The following OPRM1 variants were observed in gnomAD, a reference collection of about 807,000 sequenced individuals.
The protein encoded by OPRM1 is opioid receptor mu 1, also known as mu-type opioid receptor.
OPRM1 carries 27 observed loss-of-function variants against 31.8 expected under a neutral mutation model. That is an observed-to-expected ratio of 0.85 (90% CI 0.63 to 1.17). The LOEUF (loss-of-function observed/expected upper bound fraction) is 1.17. Ranked by LOEUF, OPRM1 falls within the 50% of genes most tolerant of loss-of-function variation. The pLI is 0.00. For missense variants in OPRM1, 536 were observed against 511.1 expected (o/e 1.05, Z -0.47); for synonymous variants, 196 against 189.9 (o/e 1.03, Z -0.26).
At chr6:154,180,414 A>ATATATATTT (rs1241250621) in intron 3 of OPRM1, among the ~76,000 whole-genome samples, 19 of 65,264 alleles carry the variant, frequency 2.9e-4, no homozygotes, top group African/African-American at 7.7e-4. Flanking sequence ...ATATATATAT[A>ATATATATTT]TTTTTTTTTT....
chr6:154,067,322 C>A (rs1247990996), intron 1 of OPRM1, among the ~76,000 whole-genome samples: 1 of 151,842 alleles, frequency 6.6e-6, no homozygotes, highest in Non-Finnish European at 1.5e-5. Context: ...TTTGCTGCAT[C>A]ATAAAAATTT....
At chr6:154,038,971 T>C (rs1779495915), upstream of OPRM1, 1 of 588,388 alleles carries the variant, frequency 1.7e-6, no homozygotes, top group East Asian at 3.1e-5. Flanking sequence ...AAATTGGCAG[T>C]AGGGATGGAA....
chr6:154,080,703 G>C (rs2128467074), intron 1 of OPRM1, among the ~76,000 whole-genome samples: 1 of 152,238 alleles, frequency 6.6e-6, no homozygotes, highest in East Asian at 1.9e-4. Flanking sequence ...TCTAGAGTCT[G>C]GTGACCCGTA....
chr6:154,234,975 T>A (rs1779999597), intron 3 of OPRM1, among the ~76,000 whole-genome samples: 2 of 152,188 alleles, frequency 1.3e-5, no homozygotes, highest in African/African-American at 4.8e-5. Context: ...AAACCCCAAA[T>A]GTGCTACTGT....
In OPRM1 at chr6:154,039,829, T is replaced by G. The variant is rs1163273920; in HGVS notation, c.285T>G (p.Ile95Met). 6.3e-7 allele frequency: 1 copy of G among 1,580,988 alleles called. No homozygotes were observed. Among genetic ancestry groups the G allele is most frequent in the Non-Finnish European group, 8.6e-7 (1 of 1,167,682 alleles). Residue 95 changes from isoleucine to methionine, a missense_variant, in exon 1 of 4, where the codon ATT (isoleucine) becomes ATG (methionine). Transcript: ENST00000330432. ...LFGNFLVMYVIVRYTKMKTAT... is the reference protein window; with the variant it reads ...LFGNFLVMYVMVRYTKMKTAT... ...GAAACTTCCTGGTCATGTATGTGAT[T>G]GTCAGGTAAGGAAAGCGCCAGGGCT...
rs502627 is a variant in OPRM1, at chr6:154,129,854, A to T, written c.*11133A>T. Among the ~76,000 whole-genome samples the T allele has an allele frequency of 1.3e-5, 1 of 74,120 alleles. No homozygotes were observed. Among genetic ancestry groups the T allele is most frequent in the East Asian group, 3.1e-4 (1 of 3,200 alleles). The allele number at this position is 74,120 out of a possible 152,430, so 48.6% of individuals were successfully genotyped here. The stretch of plus-strand genomic sequence containing the variant: ...ACCACCGACACCCTCCCCCCCCAGC[A>T]CACACACACACACACACACACACAC... On this transcript the variant is annotated 3_prime_UTR_variant, in exon 4 of 4. Transcript: ENST00000330432.
chr6:154,140,022 G>A (rs1177149004), intron 3 of OPRM1, among the ~76,000 whole-genome samples: 2 of 152,104 alleles, frequency 1.3e-5, no homozygotes, highest in African/African-American at 4.8e-5. Flanking sequence ...CCAGTTCCCC[G>A]CCCTCTTGAG....
intron 3 of OPRM1, chr6:154,155,011 GGT>G: frequency 6.6e-6 from 1 of 151,352 alleles, no homozygotes; most frequent in South Asian, 2.1e-4. Flanking sequence ...TTGGGCTAAA[GGT>G]TAAAAAAAAA....
rs147884118 is a variant in OPRM1 at position 154,020,093 on chromosome 6, A to G, written c.-1+9075A>G. Among the ~76,000 whole-genome samples the G allele has an allele frequency of 1.2e-3, 186 of 152,236 alleles. 1 individual carries two copies. The highest frequency in any genetic ancestry group is 4.3e-3 in the African/African-American group (177 of 41,538). On this transcript the variant is annotated intron_variant, in intron 1 of 5. Coordinates refer to the OPRM1 transcript ENST00000434900. ...CCATTGTCTGGATGTACTACAGTTT[A>G]TCCATTCACCTACTGAGAGACAATT...
chr6:154,092,339 A>G (rs1040020512), intron 3 of OPRM1, among the ~76,000 whole-genome samples: 21 of 152,352 alleles, frequency 1.4e-4, no homozygotes, highest in African/African-American at 4.8e-4. Context: ...TATAAAATCA[A>G]TCAAATACAT....
intron 1 of OPRM1, among the ~76,000 whole-genome samples, chr6:154,041,271 A>G (rs766101174): frequency 1.3e-5 from 2 of 152,216 alleles, no homozygotes; most frequent in Non-Finnish European, 2.9e-5. Context: ...AGCACCATCT[A>G]TTGAGAGGAA....
chr6:154,029,197 A>G (rs376946761), intron 1 of OPRM1, among the ~76,000 whole-genome samples: 25 of 152,340 alleles, frequency 1.6e-4, no homozygotes, highest in African/African-American at 5.8e-4. Context: ...ATCTGCCTTT[A>G]AAATCTTTGG....
chr6:154,104,641 A>C (rs781078203), intron 3 of OPRM1, among the ~76,000 whole-genome samples: 1 of 152,238 alleles, frequency 6.6e-6, no homozygotes, highest in Non-Finnish European at 1.5e-5. Flanking sequence ...TTTGAAACAT[A>C]ATATTTCTCT....
intron 3 of OPRM1, among the ~76,000 whole-genome samples, chr6:154,114,130 G>T (rs569607316): frequency 6.6e-6 from 1 of 152,234 alleles, no homozygotes; most frequent in African/African-American, 2.4e-5. Context: ...CTTGTACATA[G>T]GACTCAACAA....
chr6:154,111,859 G>A (rs1245174711), intron 3 of OPRM1, among the ~76,000 whole-genome samples: 1 of 151,998 alleles, frequency 6.6e-6, no homozygotes, highest in Non-Finnish European at 1.5e-5. Context: ...TCCGCCTCCC[G>A]AGTTCATGCC....
At chr6:154,183,733 T>C (rs1801094359) in intron 3 of OPRM1, among the ~76,000 whole-genome samples, 1 of 151,928 alleles carries the variant, frequency 6.6e-6, no homozygotes, top group South Asian at 2.1e-4. Context: ...ACCCCATCTG[T>C]ACCAAAAATA....
chr6:154,023,522 T>A (rs538895443), intron 1 of OPRM1, among the ~76,000 whole-genome samples: 1 of 152,144 alleles, frequency 6.6e-6, no homozygotes, highest in Non-Finnish European at 1.5e-5. Flanking sequence ...CTTCTTTTTT[T>A]CCAATTTGGA....
intron 3 of OPRM1, chr6:154,212,853 A>G: frequency 6.2e-7 from 1 of 1,606,328 alleles, no homozygotes. Flanking sequence ...TCACTGTAAC[A>G]TTCTATAACA....
chr6:154,168,253 A>C lies in OPRM1; in HGVS notation c.1164+76781A>C. 3.3e-6 allele frequency: 2 copies of C among 612,512 alleles called. No individual in the cohort carries two copies. Among genetic ancestry groups the C allele is most frequent in the South Asian group, 3.2e-5 (1 of 31,186 alleles). The allele number at this position is 612,512 out of a possible 1,614,324, so 37.9% of individuals were successfully genotyped here. ...TCTCTCCGGAACTGAAAGACAATAA[A>C]TGTTTGCTGTCTAAGCCACCCAGTT... is the stretch of plus-strand genomic sequence containing the variant. On this transcript the variant is annotated intron_variant, in intron 3 of 3. Transcript: ENST00000337049. The surrounding 1 kb of genome is among the most constrained non-coding windows in gnomAD (Gnocchi z 4.1).
Sources: allele counts gnomAD v4.1 joint callset (sites outside exome capture counted in the v4.1 genomes callset), GRCh38; gene constraint gnomAD v4.1.1; non-coding constraint Gnocchi (gnomAD v3.1); transcripts MANE v1.5; gene names NCBI Gene and HGNC (gene_info 2026-07-23, HGNC 2026-07-21).